ARVCF: variants seen among roughly 807,000 people sequenced by gnomAD.
ARVCF encodes the protein splicing regulator ARVCF.
Under a neutral mutation model 90.9 loss-of-function variants are expected in ARVCF, and 66 were observed. The ratio of observed to expected loss-of-function variants is 0.73; its 90% CI spans 0.60 to 0.89. The LOEUF (loss-of-function observed/expected upper bound fraction) is 0.89. Among genes scored for constraint, ARVCF ranks in the 40% least tolerant of loss-of-function variants. ARVCF has a pLI of 0.00. For synonymous variants in ARVCF, 653 were observed against 603.4 expected (o/e 1.08, Z -1.21); for missense variants, 1,469 against 1,382.3 (o/e 1.06, Z -1.00).
chr22:19,965,621 T>C (rs1942349297), downstream of ARVCF: 1 of 152,290 alleles, frequency 6.6e-6, no homozygotes, highest in African/African-American at 2.4e-5. Context: ...ATTACAGGCG[T>C]GAGCCACTGC....
intron 2 of ARVCF, among the ~76,000 whole-genome samples, chr22:19,999,325 TCACTGGCCCCCTGCGGCAGCACGAGGAGG>T (rs959616154): frequency 3.3e-5 from 5 of 152,120 alleles, no homozygotes; most frequent in Non-Finnish European, 1.5e-5. Context: ...GGGGTGGGGA[TCACTGGCCCCCTGCGGCAGCACGAGGAGG>T]CACTGGCCCA....
intron 9 of ARVCF, 33 bp from the exon 10 acceptor site, chr22:19,976,756 G>A: frequency 2.6e-6 from 4 of 1,556,212 alleles, no homozygotes; most frequent in Non-Finnish European, 3.5e-6. Context: ...GGAGAGAGGA[G>A]AGGAGCCTGA....
At chr22:19,985,472 A>G (rs1490926249) in intron 3 of ARVCF, among the ~76,000 whole-genome samples, 3 of 152,232 alleles carry the variant, frequency 2.0e-5, no homozygotes, top group Non-Finnish European at 4.4e-5. Flanking sequence ...TGAGCCCAGC[A>G]TAGGGGCTCT....
In ARVCF at chr22:19,974,148, G is replaced by A; in HGVS notation, c.2052C>T (p.Ala684=). 1.2e-6 allele frequency: 2 copies of A among 1,612,728 alleles called. No individual in the cohort carries two copies. The highest frequency in any genetic ancestry group is 1.7e-6 in the Non-Finnish European group (2 of 1,179,746). ...CGGCACTGAGGTTCTGCAGAGCGCC[G>A]GCGGCAGCCTCCAGGGTGTTGAAGT... is the stretch of plus-strand genomic sequence containing the variant. The part of the protein sequence containing the change: ...SRNFNTLEAA[A]GALQNLSAGN... The change falls in exon 12 of 20, where the codon GCC becomes GCT. Residue 684 remains alanine, a synonymous_variant. Transcript: ENST00000263207.
chr22:19,981,806 C>T, intron 4 of ARVCF, 69 bp from the exon 5 acceptor site: 1 of 1,549,534 alleles, frequency 6.5e-7, no homozygotes. Flanking sequence ...TGGGGTCTGG[C>T]TGGCCTTAAT....
At chr22:19,985,046 C>T (rs983759712) in intron 3 of ARVCF, among the ~76,000 whole-genome samples, 8 of 152,136 alleles carry the variant, frequency 5.3e-5, no homozygotes, top group African/African-American at 1.9e-4. Context: ...GTGCACCTGC[C>T]CAGGCTGGCC....
chr22:20,011,925 G>A (rs575395070), intron 1 of ARVCF, among the ~76,000 whole-genome samples: 1 of 151,982 alleles, frequency 6.6e-6, no homozygotes, highest in East Asian at 1.9e-4. Context: ...ACAGAACCGA[G>A]ACACACTGGC....
At chr22:20,000,646 T>G (rs1944412155) in intron 2 of ARVCF, among the ~76,000 whole-genome samples, 1 of 152,214 alleles carries the variant, frequency 6.6e-6, no homozygotes, top group South Asian at 2.1e-4. Context: ...ACTGCTACGG[T>G]GTGAATGCTA....
At chr22:19,994,773 G>T (rs1378215220) in intron 2 of ARVCF, among the ~76,000 whole-genome samples, 2 of 150,770 alleles carry the variant, frequency 1.3e-5, no homozygotes, top group African/African-American at 4.9e-5. Context: ...GGATGGATGG[G>T]TGGGTCGGGG....
At chr22:20,004,004 A>G (rs1413938891) in intron 2 of ARVCF, among the ~76,000 whole-genome samples, 1 of 152,222 alleles carries the variant, frequency 6.6e-6, no homozygotes, top group Non-Finnish European at 1.5e-5. Context: ...TATTAGATGT[A>G]AAAAATGAAA....
At chr22:19,978,510 G>A (rs1943291323) in intron 7 of ARVCF, among the ~76,000 whole-genome samples, 1 of 152,160 alleles carries the variant, frequency 6.6e-6, no homozygotes, top group Admixed American at 6.5e-5. Flanking sequence ...TGGGGACCCA[G>A]GACTCTGTGG....
chr22:19,990,712 CGT>C lies in ARVCF; in HGVS notation c.81_82del (p.Arg28GlyfsTer60). On this transcript the variant is annotated frameshift_variant, in exon 3 of 20. Coordinates refer to ENST00000263207, the MANE Select transcript of ARVCF (RefSeq NM_001670.3). LOFTEE classifies it high-confidence loss of function. ...ATGGCGCCGCTCCTGCTCCAGTGCCCGTGTCAGCCTCTCGAAGCGGGCCTCCT... is the reference window on the plus strand; with the variant it reads ...ATGGCGCCGCTCCTGCTCCAGTGCCCGTCAGCCTCTCGAAGCGGGCCTCCT... 1 of 1,596,992 alleles carries C rather than the reference CGT, an allele frequency of 6.3e-7. No homozygotes were observed. Among genetic ancestry groups the C allele is most frequent in the Non-Finnish European group, 8.5e-7 (1 of 1,171,720 alleles).
rs753091469 is a variant in ARVCF at position 19,981,459 on chromosome 22, G to A, written c.648C>T (p.Gly216=). Reference sequence around the variant, plus strand: ...CATCACCAGGGCCTGGGCCAAGGGGGCCAGCACGTGGGGGCCGCATGCCCA... The same window carrying A: ...CATCACCAGGGCCTGGGCCAAGGGGACCAGCACGTGGGGGCCGCATGCCCA... ...RGLGMRPPRA[G]PLGPGPGDGC... Residue 216 remains glycine (G), a synonymous_variant, in exon 5 of 20, where the codon GGC becomes GGT. Transcript: ENST00000263207. 3.9e-6 allele frequency: 6 copies of A among 1,546,436 alleles called. No individual in the cohort carries two copies. Among genetic ancestry groups the A allele is most frequent in the Middle Eastern group, 1.7e-4 (1 of 5,774 alleles).
downstream of ARVCF, chr22:19,967,552 C>G: frequency 2.7e-6 from 1 of 372,838 alleles, no homozygotes; most frequent in Admixed American, 3.4e-5. Flanking sequence ...AGCATACAGG[C>G]TGGAAACGAC....
chr22:19,980,869 C>A, intron 5 of ARVCF: 1 of 293,778 alleles, frequency 3.4e-6, no homozygotes, highest in Non-Finnish European at 6.3e-6. Context: ...CACATCCCCA[C>A]TCCAGAGATG....
chr22:19,970,384 T>G lies in ARVCF; in HGVS notation c.*372A>C, dbSNP rs969326391. 2 of 1,033,792 alleles carry G rather than the reference T, an allele frequency of 1.9e-6. No individual in the cohort carries two copies. The highest frequency in any genetic ancestry group is 3.5e-5 in the African/African-American group (2 of 57,564). 64.0% of individuals were successfully genotyped at this position (1,033,792 alleles called of 1,614,324 possible). Reference sequence around the variant, plus strand: ...TGGCGCCAGACCTGGCCCGCACCACTGGGGCACTGTGTTCCCAGGGGCACC... The same window carrying G: ...TGGCGCCAGACCTGGCCCGCACCACGGGGGCACTGTGTTCCCAGGGGCACC... On this transcript the variant is annotated 3_prime_UTR_variant, in exon 20 of 20. Coordinates refer to ENST00000263207, the MANE Select transcript of ARVCF (RefSeq NM_001670.3).
chr22:19,980,268 A>G lies in ARVCF; in HGVS notation c.897-26T>C, dbSNP rs759250911. ...CTGCACAGGCAAGTGGGGCGCGTGG[A>G]CATCGTCACAGCAGCCGCCAGCCCT... On this transcript the variant is annotated intron_variant, in intron 5 of 19. Transcript: ENST00000263207. The G allele has an allele frequency of 2.7e-6, 4 of 1,496,116 alleles. No individual in the cohort carries two copies. In the South Asian group the frequency reaches 4.0e-5, roughly 15 times the overall value. The allele number at this position is 1,496,116 out of a possible 1,614,324, so 92.7% of individuals were successfully genotyped here.
Position 19,970,377 on chromosome 22 carries a change from G to T in ARVCF, c.*379C>A. ...CTGCCCCTGGCGCCAGACCTGGCCC[G>T]CACCACTGGGGCACTGTGTTCCCAG... On this transcript the variant is annotated 3_prime_UTR_variant, in exon 20 of 20. Transcript: ENST00000263207. The T allele has an allele frequency of 3.0e-6, 3 of 1,015,814 alleles. No individual in the cohort carries two copies. The highest frequency in any genetic ancestry group is 3.5e-6 in the Non-Finnish European group (3 of 848,012). The allele number at this position is 1,015,814 out of a possible 1,614,324, so 62.9% of individuals were successfully genotyped here.
At chr22:19,973,068 C>T (rs1942922866) in intron 14 of ARVCF, 32 bp from the exon 15 acceptor site, 1 of 1,605,430 alleles carries the variant, frequency 6.2e-7, no homozygotes, top group Non-Finnish European at 8.5e-7. Flanking sequence ...CAGTGGTGGC[C>T]CCTCCCCCAC....
Sources: allele counts gnomAD v4.1 joint callset (sites outside exome capture counted in the v4.1 genomes callset), GRCh38; gene constraint gnomAD v4.1.1; transcripts MANE v1.5; gene names NCBI Gene and HGNC (gene_info 2026-07-23, HGNC 2026-07-21).